RBFOX1: variants seen among roughly 807,000 people sequenced by gnomAD.
The protein encoded by RBFOX1 is RNA binding protein fox-1 homolog 1.
RBFOX1 carries 8 observed loss-of-function variants against 57.7 expected under a neutral mutation model. The ratio of observed to expected loss-of-function variants is 0.14; its 90% confidence interval spans 0.08 to 0.25. RBFOX1 has a LOEUF of 0.25. RBFOX1 is among the 10% of genes least tolerant of loss of function. The pLI, the probability that RBFOX1 is intolerant of heterozygous loss-of-function variation, is 1.00. For synonymous variants in RBFOX1, 326 were observed against 222.4 expected (o/e 1.47, Z -4.15); for missense variants, 611 against 548.5 (o/e 1.11, Z -1.14).
intron 3 of RBFOX1, among the ~76,000 whole-genome samples, chr16:7,019,077 A>C (rs192636370): frequency 2.2e-4 from 33 of 152,066 alleles, no homozygotes; most frequent in African/African-American, 7.9e-4. Context: ...TGTGTGTGTG[A>C]GTGTGTGTAT....
intron 1 of RBFOX1, among the ~76,000 whole-genome samples, chr16:5,323,281 G>A (rs570389908): frequency 2.0e-5 from 3 of 152,222 alleles, no homozygotes; most frequent in East Asian, 1.9e-4. Context: ...TACTATGGGC[G>A]ATGCACATTC....
chr16:7,601,798 C>G (rs900353457), intron 9 of RBFOX1, among the ~76,000 whole-genome samples: 3 of 152,202 alleles, frequency 2.0e-5, no homozygotes, highest in African/African-American at 7.2e-5. Context: ...CTTAAAGTTA[C>G]CATTTCTACC....
chr16:6,552,079 T>G (rs2097001171), intron 2 of RBFOX1, among the ~76,000 whole-genome samples: 2 of 152,234 alleles, frequency 1.3e-5, no homozygotes, highest in African/African-American at 2.4e-5. Flanking sequence ...GGTTATGCTT[T>G]TAGAAATCAC....
chr16:6,185,667 A>G (rs1008106724), intron 1 of RBFOX1, among the ~76,000 whole-genome samples: 1 of 152,242 alleles, frequency 6.6e-6, no homozygotes, highest in Admixed American at 6.5e-5. Context: ...TTTCACCCCT[A>G]TACACTTGTG....
At chr16:6,897,244 A>G (rs1183332217) in intron 3 of RBFOX1, among the ~76,000 whole-genome samples, 3 of 152,188 alleles carry the variant, frequency 2.0e-5, no homozygotes, top group African/African-American at 7.2e-5. Context: ...AAATATTTGC[A>G]TTCCCCGTCT....
At chr16:7,677,326 C>G (rs569319514) in intron 14 of RBFOX1, among the ~76,000 whole-genome samples, 24 of 152,210 alleles carry the variant, frequency 1.6e-4, no homozygotes, top group African/African-American at 5.8e-4. Context: ...TATTACAATT[C>G]TAAATAAAGG....
chr16:6,674,699 G>A (rs1248645194), intron 3 of RBFOX1, among the ~76,000 whole-genome samples: 3 of 152,110 alleles, frequency 2.0e-5, no homozygotes, highest in African/African-American at 4.8e-5. Context: ...TGTTGATGGA[G>A]GCAGAGACTG....
At chr16:5,337,592 AAAAT>A (rs1327419811) in intron 1 of RBFOX1, among the ~76,000 whole-genome samples, 2 of 152,216 alleles carry the variant, frequency 1.3e-5, no homozygotes, top group Admixed American at 6.5e-5. Context: ...AATGTTTTTA[AAAAT>A]AAATATTGTT....
rs28628793 is a variant in RBFOX1, at chr16:7,595,891, G to C, written c.561+250G>C. Among the ~76,000 whole-genome samples, 728 of 150,724 alleles carry C rather than the reference G, an allele frequency of 4.8e-3. 7 individuals carry two copies. The highest frequency in any genetic ancestry group is 0.017 in the African/African-American group (687 of 41,248). On this transcript the variant is annotated intron_variant, in intron 8 of 15. Transcript: ENST00000550418. ...ACGTGAGACAAAAGAAAGGTTAATC[G>C]GAAAGTGTTTTTTTGTTGTTATTTT...
intron 1 of RBFOX1, among the ~76,000 whole-genome samples, chr16:5,340,984 T>C (rs1344942368): frequency 6.6e-6 from 1 of 152,110 alleles, no homozygotes; most frequent in Non-Finnish European, 1.5e-5. Context: ...ATTTAAGCAG[T>C]GACCTGTGTG....
chr16:7,647,835 C>G (rs571142146), intron 11 of RBFOX1, among the ~76,000 whole-genome samples: 1 of 152,226 alleles, frequency 6.6e-6, no homozygotes, highest in Admixed American at 6.5e-5. Flanking sequence ...ATGTCTGGAT[C>G]CAGACATCTA....
chr16:6,810,958 C>G (rs780135259), intron 3 of RBFOX1, among the ~76,000 whole-genome samples: 7 of 152,144 alleles, frequency 4.6e-5, no homozygotes, highest in Non-Finnish European at 1.0e-4. Flanking sequence ...ATACACGTAA[C>G]AGATATTTCA....
At chr16:6,289,471 C>G (rs1240430462) in intron 1 of RBFOX1, among the ~76,000 whole-genome samples, 1 of 152,116 alleles carries the variant, frequency 6.6e-6, no homozygotes, top group Non-Finnish European at 1.5e-5. Context: ...CTATTTTAAT[C>G]ACAGAAATAA....
intron 3 of RBFOX1, among the ~76,000 whole-genome samples, chr16:7,000,493 G>T (rs999270055): frequency 1.3e-5 from 2 of 151,006 alleles, no homozygotes; most frequent in South Asian, 4.2e-4. Context: ...ATTTTCTGTT[G>T]ACTGGTGGTT....
In RBFOX1 at chr16:6,345,247, T is replaced by G. The variant is rs562793234; in HGVS notation, c.-64+28190T>G. ...GAAGAGAATTCAAGGGTGAGCCAGGTGTGTTAAACAGTAACTTTTATTGAA... is the reference window on the plus strand; with the variant it reads ...GAAGAGAATTCAAGGGTGAGCCAGGGGTGTTAAACAGTAACTTTTATTGAA... On this transcript the variant is annotated intron_variant, in intron 2 of 15. Coordinates refer to ENST00000550418, the MANE Select transcript of RBFOX1 (RefSeq NM_018723.4). Among the ~76,000 whole-genome samples, 6 of 152,198 alleles carry G rather than the reference T, an allele frequency of 3.9e-5. No individual in the cohort carries two copies. The South Asian group carries it at 6.2e-4, about 16-fold the overall frequency.
At chr16:5,384,634 G>A (rs542690630) in intron 1 of RBFOX1, among the ~76,000 whole-genome samples, 5 of 152,292 alleles carry the variant, frequency 3.3e-5, no homozygotes, top group South Asian at 2.1e-4. Flanking sequence ...AGCAGAAGAA[G>A]TAGTTGATAA....
intron 4 of RBFOX1, among the ~76,000 whole-genome samples, chr16:7,468,381 T>G (rs2060913429): frequency 6.6e-6 from 1 of 152,042 alleles, no homozygotes; most frequent in Non-Finnish European, 1.5e-5. Context: ...TGACACTGTG[T>G]CAAGCTGTTA....
chr16:5,469,862 T>C (rs762294393), intron 2 of RBFOX1, among the ~76,000 whole-genome samples: 6 of 152,214 alleles, frequency 3.9e-5, no homozygotes, highest in Non-Finnish European at 7.3e-5. Flanking sequence ...TAATATTCCA[T>C]TGGAAGGCAA....
intron 1 of RBFOX1, among the ~76,000 whole-genome samples, chr16:5,358,870 T>G (rs1266295080): frequency 6.6e-6 from 1 of 152,208 alleles, no homozygotes; most frequent in Non-Finnish European, 1.5e-5. Flanking sequence ...TTGACTATAG[T>G]CACCTCATTG....
Sources: gnomAD v4.1 joint callset for allele counts (sites outside exome capture counted in the v4.1 genomes callset) on GRCh38, gnomAD v4.1.1 for gene constraint, MANE v1.5 for transcripts, NCBI Gene and HGNC (gene_info 2026-07-23, HGNC 2026-07-21) for gene names.